CHM: variants seen among roughly 807,000 people sequenced by gnomAD.
CHM encodes CHM Rab escort protein, also known as rab proteins geranylgeranyltransferase component A 1.
In CHM, 10 loss-of-function variants were observed where a neutral mutation model predicts 49.0. The observed-to-expected ratio is 0.20, with a 90% confidence interval of 0.13 to 0.35. The LOEUF is 0.35. Among genes scored for constraint, CHM ranks in the 10% least tolerant of loss-of-function variants. The pLI, the probability that CHM is intolerant of heterozygous loss-of-function variation, is 1.00. For missense variants in CHM, 455 were observed against 478.4 expected (o/e 0.95, Z 0.46); for synonymous variants, 184 against 167.5 (o/e 1.10, Z -0.76).
At chrX:85,866,688 A>G (rs1923719733) in intron 14 of CHM, among the ~76,000 whole-genome samples, 1 of 113,226 alleles carries the variant, frequency 8.8e-6, no homozygotes, top group Admixed American at 9.3e-5. Flanking sequence ...GCAGAGCCAC[A>G]GGGTTGGAAC....
intron 9 of CHM, 35 bp downstream of exon 9, chrX:85,911,226 T>TATAC (rs1556277664): frequency 7.0e-6 from 1 of 143,750 alleles, no homozygotes; most frequent in Non-Finnish European, 1.1e-5. Context: ...AATATATATA[T>TATAC]ATATATATAT....
At chrX:85,883,357 G>A (rs1238526610) in intron 12 of CHM, among the ~76,000 whole-genome samples, 2 of 111,580 alleles carry the variant, frequency 1.8e-5, no homozygotes, top group African/African-American at 3.2e-5. Flanking sequence ...TGTACTTTAT[G>A]TAATATAGCA....
chrX:85,917,141 C>G (rs776176869), intron 8 of CHM, among the ~76,000 whole-genome samples: 1 of 111,914 alleles, frequency 8.9e-6, no homozygotes, highest in Non-Finnish European at 1.9e-5. Flanking sequence ...ATGTCCTTTG[C>G]AGGGACATGG....
At chrX:85,892,928 T>C (rs181214101) in intron 12 of CHM, among the ~76,000 whole-genome samples, 1 of 111,433 alleles carries the variant, frequency 9.0e-6, no homozygotes, top group Non-Finnish European at 1.9e-5. Flanking sequence ...TACAAAAAAT[T>C]TTTTTCTAGT....
intron 2 of CHM, among the ~76,000 whole-genome samples, chrX:86,015,274 G>A (rs1034524419): frequency 9.0e-6 from 1 of 111,061 alleles, no homozygotes; most frequent in Non-Finnish European, 1.9e-5. Context: ...AGGGGTTTCC[G>A]CTTTTGTATC....
intron 11 of CHM, among the ~76,000 whole-genome samples, chrX:85,900,144 GGTGT>G (rs1376990362): frequency 9.0e-6 from 1 of 111,250 alleles, no homozygotes; most frequent in Non-Finnish European, 1.9e-5. Flanking sequence ...TTAAAAATGG[GGTGT>G]GTGTATGTAT....
chrX:85,971,750 CT>C (rs1322964935), intron 4 of CHM, among the ~76,000 whole-genome samples: 2 of 111,409 alleles, frequency 1.8e-5, no homozygotes, highest in African/African-American at 6.5e-5. Flanking sequence ...GCCAAGTGGT[CT>C]GTTTTGACAG....
chrX:86,007,757 A>T (rs1004762608), intron 2 of CHM, among the ~76,000 whole-genome samples: 1 of 112,373 alleles, frequency 8.9e-6, no homozygotes, highest in East Asian at 2.8e-4. Flanking sequence ...TCAGGAAACA[A>T]CAGAAGCTGG....
At chrX:85,967,508 T>C (rs1008900983) in intron 4 of CHM, among the ~76,000 whole-genome samples, 2 of 111,714 alleles carry the variant, frequency 1.8e-5, no homozygotes, top group South Asian at 7.5e-4. Context: ...AAACCCAATA[T>C]AGTAAGACAA....
intron 9 of CHM, among the ~76,000 whole-genome samples, chrX:85,910,049 A>G: frequency 9.0e-6 from 1 of 111,710 alleles, no homozygotes; most frequent in South Asian, 3.7e-4. Context: ...CCTTCTATAA[A>G]AGTGCTAAAG....
intron 2 of CHM, among the ~76,000 whole-genome samples, chrX:86,010,591 G>A (rs5967669): frequency 1.2e-4 from 13 of 110,784 alleles, no homozygotes; most frequent in Middle Eastern, 9.3e-3. Flanking sequence ...TTAATAAAAC[G>A]TATATACCAG....
At position 85,937,814 on chromosome X, in the gene CHM, A is replaced by T. The variant is rs748750647; in HGVS notation, c.1166+18339T>A. On this transcript the variant is annotated intron_variant, in intron 8 of 14. Transcript: ENST00000357749. ...AGTCGAGATCCTGCCACTGCACTGC[A>T]GCCTGGGAAACAGAGCAAGACTGTC... 2.8e-5 allele frequency among the ~76,000 whole-genome samples: 3 copies of T among 106,246 alleles called. No homozygotes were observed. The East Asian group carries it at 8.9e-4, about 31-fold the overall frequency. The allele number at this position is 106,246 out of a possible 115,157, so 92.3% of individuals were successfully genotyped here. A position where few individuals can be genotyped will look rare whatever the true frequency, so the allele number is the denominator to read the frequency against.
At chrX:85,900,614 CT>C (rs1926199231) in intron 11 of CHM, 31 bp downstream of exon 11, 1 of 936,240 alleles carries the variant, frequency 1.1e-6, no homozygotes, top group South Asian at 2.1e-5. Context: ...ATATATACAA[CT>C]TTTATTAAAA....
intron 9 of CHM, among the ~76,000 whole-genome samples, chrX:85,906,341 C>CT (rs1926586949): frequency 8.9e-6 from 1 of 112,063 alleles, no homozygotes; most frequent in African/African-American, 3.2e-5. Flanking sequence ...AGGTCTCCCC[C>CT]ACCACTGGAT....
chrX:85,909,785 T>C (rs1383016389), intron 9 of CHM, among the ~76,000 whole-genome samples: 2 of 112,001 alleles, frequency 1.8e-5, no homozygotes, highest in Non-Finnish European at 3.8e-5. Flanking sequence ...TCATGTCACA[T>C]GGGACTGAAA....
chrX:86,039,026 C>G (rs971389509), intron 1 of CHM, among the ~76,000 whole-genome samples: 7 of 112,468 alleles, frequency 6.2e-5, no homozygotes, highest in South Asian at 3.6e-4. Context: ...TCAAACTTAG[C>G]TGAGCCTCAG....
intron 13 of CHM, among the ~76,000 whole-genome samples, chrX:85,878,178 T>C (rs1233600273): frequency 2.7e-5 from 3 of 111,846 alleles, no homozygotes; most frequent in Non-Finnish European, 5.6e-5. Flanking sequence ...TAGCACACTA[T>C]GCATTAAAAG....
intron 8 of CHM, among the ~76,000 whole-genome samples, chrX:85,923,553 C>A (rs1438824788): frequency 8.9e-6 from 1 of 112,056 alleles, no homozygotes. Context: ...CAACAAGCAA[C>A]AACATTTATA....
chrX:85,949,789 A>G (rs5968737), intron 8 of CHM, among the ~76,000 whole-genome samples: 24,425 of 105,944 alleles, frequency 0.23, 2,157 homozygotes, highest in Non-Finnish European at 0.25. Flanking sequence ...TACTTCCAGT[A>G]GTAAACTGAA....
Sources: allele counts gnomAD v4.1 joint callset (sites outside exome capture counted in the v4.1 genomes callset), GRCh38; gene constraint gnomAD v4.1.1; transcripts MANE v1.5; gene names NCBI Gene and HGNC (gene_info 2026-07-23, HGNC 2026-07-21).